PTPRM: variants seen among roughly 807,000 people sequenced by gnomAD.
PTPRM encodes the protein receptor-type tyrosine-protein phosphatase mu.
A neutral mutation model predicts 186.7 loss-of-function variants in PTPRM; 47 were observed. The observed-to-expected ratio is 0.25, with a 90% CI of 0.20 to 0.32. The LOEUF (loss-of-function observed/expected upper bound fraction) is 0.32, where lower values mean the gene tolerates loss of function less well. Among genes scored for constraint, PTPRM ranks in the 10% least tolerant of loss-of-function variants. The pLI, the probability that PTPRM is intolerant of heterozygous loss-of-function variation, is 1.00. For missense variants in PTPRM, 1,494 were observed against 1,865.0 expected (o/e 0.80, Z 3.66); for synonymous variants, 668 against 674.9 (o/e 0.99, Z 0.16).
intron 7 of PTPRM, among the ~76,000 whole-genome samples, chr18:7,959,175 GTCAA>G (rs2053509396): frequency 6.6e-6 from 1 of 152,182 alleles, no homozygotes; most frequent in Admixed American, 6.5e-5. Flanking sequence ...ATAGCATGTG[GTCAA>G]TCAGAGTTAA....
intron 1 of PTPRM, among the ~76,000 whole-genome samples, chr18:7,768,207 A>G (rs1358380367): frequency 1.3e-5 from 2 of 152,166 alleles, no homozygotes; most frequent in Non-Finnish European, 1.5e-5. Flanking sequence ...GATTTCTAAA[A>G]CATGTAGGAT....
intron 1 of PTPRM, among the ~76,000 whole-genome samples, chr18:7,621,880 T>C (rs2037947896): frequency 6.6e-6 from 1 of 152,240 alleles, no homozygotes; most frequent in African/African-American, 2.4e-5. Context: ...GAAGGATATC[T>C]TGGTTGCTTC....
At chr18:8,398,862 G>A (rs1327158899) in intron 32 of PTPRM, among the ~76,000 whole-genome samples, 2 of 151,982 alleles carry the variant, frequency 1.3e-5, no homozygotes, top group African/African-American at 4.8e-5. Flanking sequence ...ACAAATCCAT[G>A]AGACAGAAAG....
chr18:8,007,904 G>C (rs900896853), intron 7 of PTPRM, among the ~76,000 whole-genome samples: 12 of 152,156 alleles, frequency 7.9e-5, no homozygotes, highest in Non-Finnish European at 1.3e-4. Context: ...GAGAGGAATC[G>C]ATCTTTTTTA....
intron 19 of PTPRM, among the ~76,000 whole-genome samples, chr18:8,281,369 C>A (rs1313478857): frequency 6.6e-6 from 1 of 152,186 alleles, no homozygotes; most frequent in Non-Finnish European, 1.5e-5. Context: ...GTCTCTCCTC[C>A]TCCACCTACA....
chr18:7,622,710 G>A (rs769399360), intron 1 of PTPRM, among the ~76,000 whole-genome samples: 7 of 152,160 alleles, frequency 4.6e-5, no homozygotes, highest in Non-Finnish European at 1.5e-5. Context: ...AGGAGAAAAT[G>A]ACGTCCCTGC....
At position 8,382,311 on chromosome 18, in the gene PTPRM, G is replaced by C. The variant is rs190379568; in HGVS notation, c.3918+1884G>C. 5.9e-5 allele frequency among the ~76,000 whole-genome samples: 9 copies of C among 152,264 alleles called. No individual in the cohort carries two copies. The East Asian group carries it at 1.7e-3, about 29-fold the overall frequency. On this transcript the variant is annotated intron_variant, in intron 29 of 32. Transcript: ENST00000580170. ...CCCACGTCACTCATATTTCTTTGGT[G>C]TAAGTGGCAAGCTTTTGGTCAGGAG...
chr18:8,218,331 G>A (rs572199503), intron 14 of PTPRM, among the ~76,000 whole-genome samples: 1 of 152,226 alleles, frequency 6.6e-6, no homozygotes, highest in East Asian at 1.9e-4. Context: ...GTGACATAAT[G>A]CACTAAATGT....
At chr18:8,150,693 C>T (rs1033312131) in intron 14 of PTPRM, among the ~76,000 whole-genome samples, 2 of 152,020 alleles carry the variant, frequency 1.3e-5, no homozygotes, top group Non-Finnish European at 2.9e-5. Context: ...CCCTTGCTGG[C>T]GAGGAATTAT....
At chr18:7,739,443 C>A (rs563186590) in intron 1 of PTPRM, among the ~76,000 whole-genome samples, 1 of 152,122 alleles carries the variant, frequency 6.6e-6, no homozygotes, top group Non-Finnish European at 1.5e-5. Flanking sequence ...CAACATAAAG[C>A]GAGAAATGTG....
chr18:7,596,138 G>A (rs990189514), intron 1 of PTPRM, among the ~76,000 whole-genome samples: 11 of 152,196 alleles, frequency 7.2e-5, no homozygotes, highest in African/African-American at 2.6e-4. Context: ...CTTGTGCTTT[G>A]GGGCCCTTAT....
intron 17 of PTPRM, among the ~76,000 whole-genome samples, chr18:8,249,778 G>A (rs1172205951): frequency 2.0e-5 from 3 of 152,146 alleles, no homozygotes; most frequent in African/African-American, 4.8e-5. Flanking sequence ...AAGTTGATTA[G>A]TTTTCTTTAC....
intron 1 of PTPRM, among the ~76,000 whole-genome samples, chr18:7,768,121 C>T (rs1166017368): frequency 6.6e-6 from 1 of 152,146 alleles, no homozygotes; most frequent in Non-Finnish European, 1.5e-5. Context: ...AGATTTTCTA[C>T]TCTGCCTATG....
intron 2 of PTPRM, among the ~76,000 whole-genome samples, chr18:7,785,640 G>T (rs1274086276): frequency 6.6e-6 from 1 of 152,112 alleles, no homozygotes; most frequent in African/African-American, 2.4e-5. Context: ...TTTCTCCATT[G>T]GTACATTTTA....
intron 1 of PTPRM, among the ~76,000 whole-genome samples, chr18:7,610,523 G>C (rs189288744): frequency 6.6e-6 from 1 of 152,260 alleles, no homozygotes; most frequent in Admixed American, 6.5e-5. Flanking sequence ...TAGGAGACAG[G>C]CTGGGGTATA....
intron 4 of PTPRM, among the ~76,000 whole-genome samples, chr18:7,913,343 T>A (rs541743423): frequency 6.6e-6 from 1 of 152,284 alleles, no homozygotes; most frequent in Admixed American, 6.5e-5. Context: ...TTCTTGCTAG[T>A]TTGCCATGGC....
rs980407854 is a variant in PTPRM, at chr18:7,568,224, G to A, written c.73+333G>A. Among the ~76,000 whole-genome samples the A allele has an allele frequency of 5.9e-5, 9 of 151,878 alleles. No individual in the cohort carries two copies. The highest frequency in any genetic ancestry group is 7.4e-5 in the Non-Finnish European group (5 of 67,926). ...CTTGAGTCCCTGGCCGGCTGCAAAA[G>A]GAACAGCAGAAAACTTTGCTTGAAG... On this transcript the variant is annotated intron_variant, in intron 1 of 32. Transcript: ENST00000580170. The surrounding 1 kb of genome is among the most constrained non-coding windows in gnomAD (Gnocchi z 5.1).
chr18:8,264,506 C>T (rs946052292), intron 19 of PTPRM, among the ~76,000 whole-genome samples: 31 of 152,106 alleles, frequency 2.0e-4, no homozygotes, highest in African/African-American at 7.2e-4. Flanking sequence ...CGTGGTGGCT[C>T]ACTCCTGTAA....
intron 7 of PTPRM, among the ~76,000 whole-genome samples, chr18:8,054,455 A>G (rs149214242): frequency 2.6e-5 from 4 of 151,230 alleles, no homozygotes; most frequent in African/African-American, 7.3e-5. Flanking sequence ...TGACTGAAAT[A>G]ACTTTTTTTC....
Sources: allele counts gnomAD v4.1 joint callset (sites outside exome capture counted in the v4.1 genomes callset), GRCh38; gene constraint gnomAD v4.1.1; non-coding constraint Gnocchi (gnomAD v3.1); transcripts MANE v1.5; gene names NCBI Gene and HGNC (gene_info 2026-07-23, HGNC 2026-07-21).